The following BMPR1A variants were observed in gnomAD, a reference collection of about 807,000 sequenced individuals.
BMPR1A encodes bone morphogenetic protein receptor type-1A.
A neutral mutation model predicts 66.0 loss-of-function variants in BMPR1A; 7 were observed. The observed-to-expected ratio is 0.11, with a 90% CI of 0.06 to 0.20. The LOEUF (loss-of-function observed/expected upper bound fraction) is 0.20, where lower values mean the gene tolerates loss of function less well. BMPR1A is among the 10% of genes least tolerant of loss of function. BMPR1A has a pLI of 1.00. For missense variants in BMPR1A, 408 were observed against 669.1 expected, an observed-to-expected ratio of 0.61 and a Z score of 4.31; for synonymous variants, 200 against 229.7, an observed-to-expected ratio of 0.87 and a Z score of 1.17.
rs562976874 is a variant in BMPR1A, at chr10:86,825,395, T to C, written c.-267-13470T>C. Among the ~76,000 whole-genome samples the C allele has an allele frequency of 3.9e-5, 6 of 152,334 alleles. No individual in the cohort carries two copies. The South Asian group carries it at 1.2e-3, about 32-fold the overall frequency. ...AACATCCTTGCCCTCAAATTGCTTATGATATTGTTTCTGAAGCACAGACAT... is the reference window on the plus strand; with the variant it reads ...AACATCCTTGCCCTCAAATTGCTTACGATATTGTTTCTGAAGCACAGACAT... On this transcript the variant is annotated intron_variant, in intron 1 of 12. Transcript: ENST00000372037.
intron 1 of BMPR1A, among the ~76,000 whole-genome samples, chr10:86,764,981 T>C (rs1379005657): frequency 6.6e-6 from 1 of 152,092 alleles, no homozygotes; most frequent in Non-Finnish European, 1.5e-5. Context: ...CCCAGCACTG[T>C]GGGAGGATTG....
chr10:86,884,792 G>A lies in BMPR1A; in HGVS notation c.68-5270G>A, dbSNP rs1465780644. Among the ~76,000 whole-genome samples the A allele has an allele frequency of 5.3e-5, 8 of 152,214 alleles. No individual in the cohort carries two copies. The South Asian group carries it at 1.7e-3, about 32-fold the overall frequency. On this transcript the variant is annotated intron_variant, in intron 3 of 12. Transcript: ENST00000372037. ...TTTGCCATTCAGTGACATTATGGAT[G>A]ACACTGCATGTCAGTATGTGTCGGA...
At chr10:86,867,759 G>T (rs2133272896) in intron 2 of BMPR1A, among the ~76,000 whole-genome samples, 1 of 152,254 alleles carries the variant, frequency 6.6e-6, no homozygotes, top group Admixed American at 6.5e-5. Context: ...TTGAGGTCCT[G>T]GTGAAGGGTA....
chr10:86,870,391 T>C (rs1202975879), intron 2 of BMPR1A, among the ~76,000 whole-genome samples: 1 of 152,158 alleles, frequency 6.6e-6, no homozygotes, highest in African/African-American at 2.4e-5. Context: ...TCCCTTACCC[T>C]ACATTTAATC....
intron 4 of BMPR1A, among the ~76,000 whole-genome samples, chr10:86,891,820 C>T (rs1299712378): frequency 1.3e-5 from 2 of 152,172 alleles, no homozygotes; most frequent in Non-Finnish European, 2.9e-5. Flanking sequence ...TATAAATCAG[C>T]TTTCTGTGAT....
At position 86,756,832 on chromosome 10, in the gene BMPR1A, GCCGATT is replaced by G. The variant is rs1847876734; in HGVS notation, c.-353_-348del. 2 of 151,550 alleles carry G rather than the reference GCCGATT, an allele frequency of 1.3e-5. No homozygotes were observed. Among genetic ancestry groups the G allele is most frequent in the African/African-American group, 4.8e-5 (2 of 41,362 alleles). 9.4% of individuals were successfully genotyped at this position (151,550 alleles called of 1,614,324 possible). On this transcript the variant is annotated 5_prime_UTR_variant, in exon 1 of 13. Coordinates refer to ENST00000372037, the MANE Select transcript of BMPR1A (RefSeq NM_004329.3). ...GGGCCGCTGCACGCCAAGGGCGAAG[GCCGATT>G]CGGGCCCCACTTCGCCCCGGCGGCT...
At chr10:86,760,213 ACCTTATTGTTTTTTCTTTCTTTCTTTC>A (rs1841023122) in intron 1 of BMPR1A, among the ~76,000 whole-genome samples, 1 of 46,906 alleles carries the variant, frequency 2.1e-5, no homozygotes, top group Non-Finnish European at 4.5e-5. Context: ...TTTTTTTAAT[ACCTTATTGTTTTTTCTTTCTTTCTTTC>A]TTTCTTTCTT....
At chr10:86,852,197 T>A (rs1842577238) in intron 2 of BMPR1A, among the ~76,000 whole-genome samples, 1 of 152,136 alleles carries the variant, frequency 6.6e-6, no homozygotes, top group African/African-American at 2.4e-5. Flanking sequence ...ATACAGCAAG[T>A]TCTTATACAT....
At chr10:86,928,745 C>G (rs1208420712), downstream of BMPR1A, 2 of 152,010 alleles carry the variant, frequency 1.3e-5, no homozygotes, top group Non-Finnish European at 2.9e-5. Flanking sequence ...ACCTCTGCCC[C>G]CTGGGTTCAA....
At chr10:86,836,794 A>G (rs369976718) in intron 1 of BMPR1A, among the ~76,000 whole-genome samples, 3 of 152,058 alleles carry the variant, frequency 2.0e-5, no homozygotes, top group Admixed American at 1.3e-4. Flanking sequence ...TTAGCTGGGC[A>G]TGGTTGTATG....
At chr10:86,872,303 G>A (rs1005436712) in intron 2 of BMPR1A, among the ~76,000 whole-genome samples, 1 of 152,110 alleles carries the variant, frequency 6.6e-6, no homozygotes. Context: ...TATGTACCAG[G>A]CTCTCCTAAA....
intron 3 of BMPR1A, among the ~76,000 whole-genome samples, chr10:86,880,525 C>T (rs1178319027): frequency 6.6e-6 from 1 of 152,122 alleles, no homozygotes; most frequent in African/African-American, 2.4e-5. Flanking sequence ...TCACCCAGGG[C>T]TTAAAACAGT....
At chr10:86,852,001 T>C (rs903247271) in intron 2 of BMPR1A, among the ~76,000 whole-genome samples, 1 of 152,140 alleles carries the variant, frequency 6.6e-6, no homozygotes, top group East Asian at 1.9e-4. Context: ...GGAGGATGGC[T>C]TGAGCCCAGG....
chr10:86,885,139 A>G (rs1478448269), intron 3 of BMPR1A, among the ~76,000 whole-genome samples: 1 of 152,264 alleles, frequency 6.6e-6, no homozygotes, highest in Admixed American at 6.5e-5. Flanking sequence ...AGTAATTTGC[A>G]AACTATAGCC....
At chr10:86,851,786 G>A (rs58256798) in intron 2 of BMPR1A, among the ~76,000 whole-genome samples, 8,240 of 152,282 alleles carry the variant, frequency 0.054, 292 homozygotes, top group South Asian at 0.11. Context: ...TTGGAGCATC[G>A]TAAGGGTATG....
chr10:86,835,585 AAAAG>A (rs1842334799), intron 1 of BMPR1A, among the ~76,000 whole-genome samples: 1 of 131,356 alleles, frequency 7.6e-6, no homozygotes, highest in Non-Finnish European at 1.6e-5. Flanking sequence ...AAAAAAAAAA[AAAAG>A]GTGTTTTGGC....
intron 1 of BMPR1A, among the ~76,000 whole-genome samples, chr10:86,816,914 GATA>G (rs1047285419): frequency 3.3e-5 from 5 of 152,138 alleles, no homozygotes; most frequent in African/African-American, 4.8e-5. Context: ...TTAAGGGAAA[GATA>G]ATAATAATAT....
chr10:86,768,608 A>C (rs1044441692), intron 1 of BMPR1A, among the ~76,000 whole-genome samples: 18 of 152,274 alleles, frequency 1.2e-4, no homozygotes, highest in African/African-American at 4.1e-4. Flanking sequence ...AAATCTTTAC[A>C]CAAAGAAGGC....
Position 86,925,720 on chromosome 10 carries a change from T to TG in BMPR1A, c.*2001_*2002insG. 4 of 124,132 alleles carry TG rather than the reference T, an allele frequency of 3.2e-5. No homozygotes were observed. The highest frequency in any genetic ancestry group is 5.8e-5 in the Non-Finnish European group (4 of 68,862). The allele number at this position is 124,132 out of a possible 1,614,324, so 7.7% of individuals were successfully genotyped here. On this transcript the variant is annotated 3_prime_UTR_variant, in exon 13 of 13. Transcript: ENST00000372037. ...CCATAATCTTTAAAATCATTTGTCA[T>TG]CTTTTTTTTTTTTTTTTTGAGACGG...
Sources: gnomAD v4.1 joint callset for allele counts (sites outside exome capture counted in the v4.1 genomes callset) on GRCh38, gnomAD v4.1.1 for gene constraint, MANE v1.5 for transcripts, NCBI Gene and HGNC (gene_info 2026-07-23, HGNC 2026-07-21) for gene names.